The following CAMK2D variants were observed in gnomAD, a reference collection of about 807,000 sequenced individuals.
CAMK2D encodes the protein calcium/calmodulin dependent protein kinase II delta, also known as calcium/calmodulin-dependent protein kinase type II subunit delta.
In CAMK2D, 37 loss-of-function variants were observed where a neutral mutation model predicts 84.0. The observed-to-expected ratio is 0.44, with a 90% CI of 0.34 to 0.58. The LOEUF is 0.58. CAMK2D is among the 20% of genes least tolerant of loss of function. CAMK2D has a pLI of 0.02. For synonymous variants in CAMK2D, 202 were observed against 212.5 expected (o/e 0.95, Z 0.43); for missense variants, 448 against 652.5 (o/e 0.69, Z 3.41).
chr4:113,520,091 C>G (rs993203912), intron 8 of CAMK2D, among the ~76,000 whole-genome samples: 2 of 152,094 alleles, frequency 1.3e-5, no homozygotes, highest in African/African-American at 2.4e-5. Flanking sequence ...GTCCTCTAAA[C>G]AAATGCTTAT....
intron 18 of CAMK2D, among the ~76,000 whole-genome samples, chr4:113,459,190 T>A (rs921162520): frequency 6.6e-6 from 1 of 152,150 alleles, no homozygotes; most frequent in Non-Finnish European, 1.5e-5. Flanking sequence ...GTGTGGTTTT[T>A]AAAAATTTTT....
intron 2 of CAMK2D, among the ~76,000 whole-genome samples, chr4:113,663,000 G>A (rs1233172188): frequency 6.6e-6 from 1 of 152,132 alleles, no homozygotes; most frequent in Non-Finnish European, 1.5e-5. Context: ...AAAAAACAGT[G>A]TCTTAATAAA....
At chr4:113,594,623 C>T (rs2098915283) in intron 4 of CAMK2D, among the ~76,000 whole-genome samples, 1 of 152,048 alleles carries the variant, frequency 6.6e-6, no homozygotes, top group Non-Finnish European at 1.5e-5. Flanking sequence ...AAGCACTATA[C>T]CAGAAAAATG....
chr4:113,540,981 TC>T (rs1442434823), intron 6 of CAMK2D, among the ~76,000 whole-genome samples: 1 of 152,178 alleles, frequency 6.6e-6, no homozygotes, highest in Non-Finnish European at 1.5e-5. Flanking sequence ...TTCCATGACA[TC>T]TGGTCTCAGT....
chr4:113,500,417 A>ATG, intron 16 of CAMK2D, 46 bp downstream of exon 16: 1 of 1,192,014 alleles, frequency 8.4e-7, no homozygotes, highest in Non-Finnish European at 1.2e-6. Context: ...TCATATATAT[A>ATG]TGTGAAGCTC....
At chr4:113,488,083 C>A in intron 16 of CAMK2D, among the ~76,000 whole-genome samples, 1 of 151,492 alleles carries the variant, frequency 6.6e-6, no homozygotes, top group African/African-American at 2.4e-5. Flanking sequence ...GTGATAAAGC[C>A]ATAATCTGAA....
chr4:113,755,413 G>A (rs992307677), intron 2 of CAMK2D, among the ~76,000 whole-genome samples: 1 of 151,850 alleles, frequency 6.6e-6, no homozygotes. Flanking sequence ...TAGCAATGGA[G>A]TAGAGGTAAA....
rs186561172 is a variant in CAMK2D at position 113,456,438 on chromosome 4, C to A, written c.1536-617G>T. ...CTTTAGTTGTAACCGGCCTTCCTTA[C>A]CAATAATGTTCTATCATATTAAACT... On this transcript the variant is annotated intron_variant, in intron 19 of 20. Coordinates refer to ENST00000511664, the MANE Select transcript of CAMK2D (RefSeq NM_001321571.2). 2.2e-3 allele frequency among the ~76,000 whole-genome samples: 334 copies of A among 152,282 alleles called. 4 individuals are homozygous for A. Among genetic ancestry groups the A allele is most frequent in the Non-Finnish European group, 1.0e-3 (70 of 68,016 alleles).
At chr4:113,597,160 T>C (rs1276219303) in intron 4 of CAMK2D, among the ~76,000 whole-genome samples, 1 of 152,174 alleles carries the variant, frequency 6.6e-6, no homozygotes, top group Non-Finnish European at 1.5e-5. Context: ...ATTCATGTCT[T>C]CTTAAAGTCA....
chr4:113,545,393 A>G (rs961204155), intron 6 of CAMK2D, among the ~76,000 whole-genome samples: 3 of 152,242 alleles, frequency 2.0e-5, no homozygotes, highest in Non-Finnish European at 4.4e-5. Flanking sequence ...TCGCACATCA[A>G]TTAACATATT....
chr4:113,620,627 C>T (rs1475576771), intron 3 of CAMK2D, among the ~76,000 whole-genome samples: 1 of 151,736 alleles, frequency 6.6e-6, no homozygotes, highest in Non-Finnish European at 1.5e-5. Context: ...CCTGCCTCAG[C>T]CTCCTGAGTA....
intron 3 of CAMK2D, among the ~76,000 whole-genome samples, chr4:113,623,338 TGACTACA>T (rs1183180956): frequency 6.6e-6 from 1 of 152,046 alleles, no homozygotes; most frequent in African/African-American, 2.4e-5. Context: ...TAAGTAATAA[TGACTACA>T]GATTAATGAT....
At chr4:113,638,596 G>A (rs547055523) in intron 3 of CAMK2D, among the ~76,000 whole-genome samples, 5 of 152,158 alleles carry the variant, frequency 3.3e-5, no homozygotes, top group East Asian at 1.9e-4. Flanking sequence ...TTAGCAAAGC[G>A]GGGTTTAAGA....
Position 113,703,347 on chromosome 4 carries a change from G to T in CAMK2D, c.161-41575C>A, listed in dbSNP as rs536724900. On this transcript the variant is annotated intron_variant, in intron 2 of 20. Coordinates refer to ENST00000511664, the MANE Select transcript of CAMK2D (RefSeq NM_001321571.2). Reference sequence around the variant, plus strand: ...TTTGTGGCTTTTGTCTTAAGACAGGGTCTTGCTCTGATGTCCAGGCTGGAT... The same window carrying T: ...TTTGTGGCTTTTGTCTTAAGACAGGTTCTTGCTCTGATGTCCAGGCTGGAT... Among the ~76,000 whole-genome samples the T allele has an allele frequency of 4.6e-5, 7 of 152,318 alleles. No homozygotes were observed. In the South Asian group the frequency reaches 1.4e-3, roughly 32 times the overall value.
intron 2 of CAMK2D, among the ~76,000 whole-genome samples, chr4:113,716,650 A>AG (rs10647819): frequency 5.6e-5 from 1 of 17,748 alleles, no homozygotes; most frequent in Non-Finnish European, 8.8e-5. Flanking sequence ...GACTCCATCC[A>AG]AAAAAAAAAA....
intron 6 of CAMK2D, among the ~76,000 whole-genome samples, chr4:113,546,988 T>A (rs748779677): frequency 7.9e-5 from 12 of 152,218 alleles, no homozygotes; most frequent in Non-Finnish European, 1.8e-4. Flanking sequence ...TATATAGGGA[T>A]ATCCATATAT....
Position 113,526,414 on chromosome 4 carries a change from A to ATGTGTGTG in CAMK2D, c.601+4794_601+4801dup, listed in dbSNP as rs35503858. Among the ~76,000 whole-genome samples, 21 of 149,676 alleles carry ATGTGTGTG rather than the reference A, an allele frequency of 1.4e-4. No homozygotes were observed. The East Asian group carries it at 3.0e-3, about 21-fold the overall frequency. Reference sequence around the variant, plus strand: ...ATAAGTTTCTAAGGAGTCATTCTTGATGTGTGTGTGTGTGTGTGTGTGTGT... The same window carrying ATGTGTGTG: ...ATAAGTTTCTAAGGAGTCATTCTTGATGTGTGTGTGTGTGTGTGTGTGTGTGTGTGTGT... On this transcript the variant is annotated intron_variant, in intron 8 of 20. Coordinates refer to ENST00000511664, the MANE Select transcript of CAMK2D (RefSeq NM_001321571.2).
chr4:113,533,070 G>A (rs1248041009), intron 7 of CAMK2D, among the ~76,000 whole-genome samples: 2 of 151,938 alleles, frequency 1.3e-5, no homozygotes, highest in Non-Finnish European at 2.9e-5. Flanking sequence ...CCAGAAGTAC[G>A]AAATGTTAAC....
At chr4:113,481,120 T>C (rs920745886) in intron 16 of CAMK2D, among the ~76,000 whole-genome samples, 2 of 152,220 alleles carry the variant, frequency 1.3e-5, no homozygotes, top group African/African-American at 2.4e-5. Context: ...TCCTAAATTA[T>C]GGAGCGAGGT....
Sources: allele counts gnomAD v4.1 joint callset (sites outside exome capture counted in the v4.1 genomes callset), GRCh38; gene constraint gnomAD v4.1.1; transcripts MANE v1.5; gene names NCBI Gene and HGNC (gene_info 2026-07-23, HGNC 2026-07-21).